NDP: variants seen among roughly 807,000 people sequenced by gnomAD.
The protein encoded by NDP is norrin.
A neutral mutation model predicts 8.4 loss-of-function variants in NDP; 2 were observed. The observed-to-expected ratio is 0.24, with a 90% confidence interval of 0.10 to 0.75. The LOEUF is 0.75. Ranked by LOEUF, NDP falls within the 30% of genes least tolerant of loss-of-function variation. The probability of loss-of-function intolerance (pLI) is 0.73; values close to 1 mark genes in which losing one functional copy is unlikely to be tolerated. For missense variants in NDP, 81 were observed against 110.1 expected, an observed-to-expected ratio of 0.74 and a Z score of 1.18; for synonymous variants, 55 against 45.6, an observed-to-expected ratio of 1.21 and a Z score of -0.83.
intron 1 of NDP, chrX:43,969,765 C>T (rs997967366): frequency 8.9e-6 from 1 of 112,128 alleles, no homozygotes; most frequent in Admixed American, 9.4e-5. Context: ...AGGACCCAAG[C>T]TGTCTGGAAA....
Position 43,958,475 on chromosome X carries a change from T to A in NDP, c.171A>T (p.Ser57=), listed in dbSNP as rs1569245603. 1.3e-5 allele frequency: 16 copies of A among 1,208,488 alleles called. No individual in the cohort carries two copies. Among genetic ancestry groups the A allele is most frequent in the East Asian group, 3.0e-5 (1 of 33,832 alleles). ...CTCACAGAGACCTTGGTCTTACCTT[T>A]GAGCTACACTTGTACAATGGGTGAC... ...SISHPLYKCS[S]KMVLLARCEG... Residue 57 remains serine (S), a synonymous_variant, in exon 2 of 3, where the codon TCA becomes TCT. Coordinates refer to ENST00000642620, the MANE Select transcript of NDP (RefSeq NM_000266.4).
intron 2 of NDP, among the ~76,000 whole-genome samples, 200 bp downstream of exon 2, chrX:43,958,272 G>A (rs1371868213): frequency 8.9e-6 from 1 of 112,412 alleles, no homozygotes; most frequent in Non-Finnish European, 1.9e-5. Flanking sequence ...GTGTGCACAT[G>A]ATTGATTAGG....
intron 1 of NDP, among the ~76,000 whole-genome samples, chrX:43,965,291 C>T (rs951484658): frequency 1.8e-5 from 2 of 110,341 alleles, no homozygotes; most frequent in Non-Finnish European, 3.8e-5. Flanking sequence ...TGGTGGTACA[C>T]GCTTGTCATC....
rs2035751690 is a variant in NDP, at chrX:43,949,991, G to A, written c.210C>T (p.Ser70=). ...VLLARCEGHC[S]QASRSEPLVS... is the part of the protein sequence containing the mutation. ...CCAAAGGCTCGGAGCGTGACGCCTG[G>A]CTGCAGTGCCCCTCGCACCTGGCCA... The change falls in exon 3 of 3, where the codon AGC becomes AGT. Residue 70 remains serine (S), a synonymous_variant. Coordinates refer to ENST00000642620, the MANE Select transcript of NDP (RefSeq NM_000266.4). The A allele has an allele frequency of 8.3e-7, 1 of 1,206,789 alleles. No homozygotes were observed. The highest frequency in any genetic ancestry group is 2.2e-5 in the Admixed American group (1 of 45,619).
chrX:43,958,896 A>T (rs999068886), intron 1 of NDP, 44 bp from the exon 2 acceptor site: 6 of 380,683 alleles, frequency 1.6e-5, no homozygotes, highest in African/African-American at 1.5e-4. Flanking sequence ...TTATTTACCC[A>T]GAACCACTAA....
At chrX:43,967,776 T>A (rs898241263) in intron 1 of NDP, among the ~76,000 whole-genome samples, 2 of 111,296 alleles carry the variant, frequency 1.8e-5, no homozygotes, top group Admixed American at 9.6e-5. Context: ...AGGCCACCCT[T>A]GAGCATTTTC....
chrX:43,971,084 G>T (rs1017300635), intron 1 of NDP, among the ~76,000 whole-genome samples: 1 of 111,919 alleles, frequency 8.9e-6, no homozygotes, highest in Non-Finnish European at 1.9e-5. Flanking sequence ...TAACAGGAAA[G>T]TTATTGCCCA....
intron 1 of NDP, among the ~76,000 whole-genome samples, chrX:43,968,912 G>C (rs1169612593): frequency 9.0e-6 from 1 of 111,439 alleles, no homozygotes; most frequent in Non-Finnish European, 1.9e-5. Flanking sequence ...TTCCTTTTGG[G>C]TCCTTTAATG....
At chrX:43,959,141 G>C (rs1373997737) in intron 1 of NDP, among the ~76,000 whole-genome samples, 9 of 111,909 alleles carry the variant, frequency 8.0e-5, no homozygotes, top group Non-Finnish European at 1.5e-4. Context: ...CCATGTTAAA[G>C]ATTAAACATG....
Position 43,949,783 on chromosome X carries a change from CA to C in NDP, c.*15del. On this transcript the variant is annotated 3_prime_UTR_variant, in exon 3 of 3. Coordinates refer to ENST00000642620, the MANE Select transcript of NDP (RefSeq NM_000266.4). ...CTACAGTTGTCCCATCCAGAAGCCA[CA>C]CACAGCAGCGGGCCTCAGGAATTGC... The C allele has an allele frequency of 8.6e-7, 1 of 1,162,649 alleles. No individual in the cohort carries two copies. Among genetic ancestry groups the C allele is most frequent in the African/African-American group, 1.8e-5 (1 of 56,378 alleles).
In NDP at chrX:43,958,551, A is replaced by G. The variant is rs755101887; in HGVS notation, c.95T>C (p.Met32Thr). 3.3e-6 allele frequency: 4 copies of G among 1,210,065 alleles called. No homozygotes were observed. Among genetic ancestry groups the G allele is most frequent in the Admixed American group, 2.2e-5 (1 of 45,911 alleles). The change falls in exon 2 of 3, where the codon ATG becomes ACG. Residue 32 changes from methionine to threonine, a missense_variant. Transcript: ENST00000642620. ...CATGCAGCGTCGAGGGTCCGAGTCC[A>G]TTATGAATGAGCTGTCCGTTTTACT... is the stretch of plus-strand genomic sequence containing the variant. The part of the protein sequence containing the change: ...TDSKTDSSFI[M>T]DSDPRRCMRH...
In NDP at chrX:43,949,757, T is replaced by TC; in HGVS notation, c.*41dup. The TC allele has an allele frequency of 8.9e-7, 1 of 1,129,367 alleles. No individual in the cohort carries two copies. Among genetic ancestry groups the TC allele is most frequent in the Non-Finnish European group, 1.2e-6 (1 of 837,853 alleles). The allele number at this position is 1,129,367 out of a possible 1,213,427, so 93.1% of individuals were successfully genotyped here. On this transcript the variant is annotated 3_prime_UTR_variant, in exon 3 of 3. Transcript: ENST00000642620. Reference sequence around the variant, plus strand: ...TCTTTCCCTGGCTGGTCGAACTGCCTCTACAGTTGTCCCATCCAGAAGCCA... The same window carrying TC: ...TCTTTCCCTGGCTGGTCGAACTGCCTCCTACAGTTGTCCCATCCAGAAGCCA...
chrX:43,971,994 C>G (rs188865480), intron 1 of NDP, among the ~76,000 whole-genome samples: 1 of 111,621 alleles, frequency 9.0e-6, no homozygotes, highest in African/African-American at 3.3e-5. Flanking sequence ...AGCATTGTGC[C>G]GTCCCCGCTG....
intron 1 of NDP, among the ~76,000 whole-genome samples, chrX:43,963,942 C>T (rs929478697): frequency 1.6e-4 from 18 of 112,724 alleles, no homozygotes; most frequent in African/African-American, 5.8e-4. Context: ...ACTGCAAATG[C>T]TGCTAGGCCT....
chrX:43,963,057 C>G lies in NDP; in HGVS notation c.-207-4205G>C, dbSNP rs370458752. 2.1e-3 allele frequency among the ~76,000 whole-genome samples: 235 copies of G among 112,196 alleles called. 2 individuals carry two copies. Among genetic ancestry groups the G allele is most frequent in the African/African-American group, 7.1e-3 (219 of 30,889 alleles). On this transcript the variant is annotated intron_variant, in intron 1 of 2. Coordinates refer to ENST00000642620, the MANE Select transcript of NDP (RefSeq NM_000266.4). The stretch of plus-strand genomic sequence containing the variant: ...CAGCAACAGGCTAAGTGGTATGTGC[C>G]AAGAATGGCCTTATTCTTGCCTTGC...
intron 1 of NDP, among the ~76,000 whole-genome samples, chrX:43,965,426 C>A (rs1301147078): frequency 9.0e-6 from 1 of 110,519 alleles, no homozygotes; most frequent in Non-Finnish European, 1.9e-5. Context: ...CTCAAAAAAA[C>A]AAAAGTTAAC....
Position 43,958,627 on chromosome X carries a change from C to A in NDP, c.19G>T (p.Ala7Ser), listed in dbSNP as rs1441547787. Residue 7 changes from alanine (A) to serine (S), a missense_variant, in exon 2 of 3, where the codon GCT (alanine) becomes TCT (serine). Physicochemically the swap from Ala to Ser is moderately conservative, Grantham distance 99 (BLOSUM62 1). Coordinates refer to ENST00000642620, the MANE Select transcript of NDP (RefSeq NM_000266.4). The stretch of plus-strand genomic sequence containing the variant: ...AGGGAGAGCATAGAAAAGGATGCAG[C>A]TAGTACATGTTTTCTCATTGTTGTA... MRKHVL[A>S]ASFSMLSLLV... is the part of the protein sequence containing the mutation. 1.7e-6 allele frequency: 2 copies of A among 1,211,010 alleles called. No homozygotes were observed. Among genetic ancestry groups the A allele is most frequent in the East Asian group, 5.9e-5 (2 of 33,832 alleles).
At chrX:43,965,294 T>C (rs1288045093) in intron 1 of NDP, among the ~76,000 whole-genome samples, 2 of 110,305 alleles carry the variant, frequency 1.8e-5, no homozygotes, top group Non-Finnish European at 3.8e-5. Context: ...TGGTACACGC[T>C]TGTCATCCCA....
rs2035902524 is a variant in NDP at position 43,973,371 on chromosome X, C to T, written c.-275G>A. On this transcript the variant is annotated 5_prime_UTR_variant, in exon 1 of 3. Transcript: ENST00000642620. ...GAGCTAGAAAGAGGTCCTGTTACTT[C>T]CAAATGCTTTTGTTCTTCTGTCCCT... 9.0e-6 allele frequency: 1 copy of T among 110,984 alleles called. No individual in the cohort carries two copies. Among genetic ancestry groups the T allele is most frequent in the African/African-American group, 3.3e-5 (1 of 30,461 alleles). The allele number at this position is 110,984 out of a possible 1,213,427, so 9.1% of individuals were successfully genotyped here.
Sources: allele counts gnomAD v4.1 joint callset (sites outside exome capture counted in the v4.1 genomes callset), GRCh38; gene constraint gnomAD v4.1.1; transcripts MANE v1.5; gene names NCBI Gene and HGNC (gene_info 2026-07-23, HGNC 2026-07-21).